BAALC: variants seen among roughly 807,000 people sequenced by gnomAD.
BAALC encodes the protein BAALC binder of MAP3K1 and KLF4, also known as brain and acute leukemia cytoplasmic protein.
In BAALC, 9 loss-of-function variants were observed where a neutral mutation model predicts 15.5. The observed-to-expected ratio is 0.58, with a 90% CI of 0.35 to 1.02. The LOEUF (loss-of-function observed/expected upper bound fraction) is 1.02. Among genes scored for constraint, BAALC ranks in the 50% least tolerant of loss-of-function variants. The pLI is 0.02. For synonymous variants in BAALC, 80 were observed against 74.6 expected, an observed-to-expected ratio of 1.07 and a Z score of -0.37; for missense variants, 201 against 192.4, an observed-to-expected ratio of 1.04 and a Z score of -0.27.
intron 1 of BAALC, chr8:103,141,266 C>T (rs915766488): frequency 1.7e-4 from 88 of 528,194 alleles, no homozygotes; most frequent in African/African-American, 1.7e-3. Context: ...AAGGCTGCGC[C>T]GATGCCCCAG....
intron 1 of BAALC, among the ~76,000 whole-genome samples, chr8:103,174,287 G>C (rs903982745): frequency 6.6e-6 from 1 of 150,822 alleles, no homozygotes; most frequent in East Asian, 1.9e-4. Context: ...GTGCCAGTCT[G>C]TTCTGGGAAT....
chr8:103,203,164 A>G (rs1454781100), intron 1 of BAALC, among the ~76,000 whole-genome samples: 1 of 152,114 alleles, frequency 6.6e-6, no homozygotes, highest in Non-Finnish European at 1.5e-5. Context: ...TGGGGAAGCC[A>G]TTTCCCCTAC....
At chr8:103,149,721 T>C (rs1372854982) in intron 1 of BAALC, among the ~76,000 whole-genome samples, 2 of 152,196 alleles carry the variant, frequency 1.3e-5, no homozygotes, top group African/African-American at 4.8e-5. Flanking sequence ...CTAGTTTGAA[T>C]GGAGGAAGAG....
At chr8:103,197,134 C>A (rs1586422202) in intron 1 of BAALC, among the ~76,000 whole-genome samples, 1 of 152,206 alleles carries the variant, frequency 6.6e-6, no homozygotes, top group Non-Finnish European at 1.5e-5. Context: ...TGACACCATA[C>A]ACCCACTAAT....
chr8:103,168,743 CCT>C (rs939925873), intron 1 of BAALC, among the ~76,000 whole-genome samples: 5 of 152,022 alleles, frequency 3.3e-5, no homozygotes, highest in African/African-American at 7.2e-5. Context: ...ATTTCCTTAG[CCT>C]CTCTCCTGTG....
chr8:103,190,938 G>A (rs1811952751), intron 1 of BAALC: 1 of 152,280 alleles, frequency 6.6e-6, no homozygotes, highest in Admixed American at 6.5e-5. Context: ...GCTCACACCT[G>A]TAATCCTAGC....
rs1222813255 is a variant in BAALC, at chr8:103,229,504, G to A, written c.*1405G>A. On this transcript the variant is annotated 3_prime_UTR_variant, in exon 3 of 3. Transcript: ENST00000309982. ...TTTTCCTTCCTTCCTTCCATTGGCA[G>A]ATTGTATATTTATTCACAAAACATT... 1 of 152,174 alleles carries A rather than the reference G, an allele frequency of 6.6e-6. No individual in the cohort carries two copies. The highest frequency in any genetic ancestry group is 1.9e-4 in the East Asian group (1 of 5,192). 9.4% of individuals were successfully genotyped at this position (152,174 alleles called of 1,614,324 possible).
rs1357818931 is a variant in BAALC at position 103,229,202 on chromosome 8, A to AGTAT, written c.*1106_*1109dup. ...GATGTTTTGATAGGAATAATTTTCTAGTATGTCTTGAAACATGTTCATCTG... is the reference window on the plus strand; with the variant it reads ...GATGTTTTGATAGGAATAATTTTCTAGTATGTATGTCTTGAAACATGTTCATCTG... On this transcript the variant is annotated 3_prime_UTR_variant, in exon 3 of 3. Coordinates refer to ENST00000309982, the MANE Select transcript of BAALC (RefSeq NM_024812.3). The AGTAT allele has an allele frequency of 8.5e-5, 13 of 152,232 alleles. No individual in the cohort carries two copies. Among genetic ancestry groups the AGTAT allele is most frequent in the African/African-American group, 2.7e-4 (11 of 41,458 alleles). 9.4% of individuals were successfully genotyped at this position (152,232 alleles called of 1,614,324 possible). A position where few individuals can be genotyped will look rare whatever the true frequency, so the allele number is the denominator to read the frequency against.
intron 2 of BAALC, among the ~76,000 whole-genome samples, chr8:103,221,796 G>A (rs375084585): frequency 9.1e-4 from 138 of 152,264 alleles, no homozygotes; most frequent in African/African-American, 3.2e-3. Context: ...AGATTGTGTT[G>A]ATGAAAAGAG....
chr8:103,179,565 C>T (rs1400877146), intron 1 of BAALC, among the ~76,000 whole-genome samples: 1 of 152,206 alleles, frequency 6.6e-6, no homozygotes, highest in African/African-American at 2.4e-5. Flanking sequence ...TCCTTGTTTC[C>T]CAGCTGAGGA....
chr8:103,213,535 G>T, intron 2 of BAALC: 1 of 156,446 alleles, frequency 6.4e-6, no homozygotes, highest in South Asian at 2.0e-4. Flanking sequence ...GGGCCCCCAA[G>T]GGTGGCTCTC....
chr8:103,170,136 G>C (rs1029416569), intron 1 of BAALC, among the ~76,000 whole-genome samples: 1 of 151,658 alleles, frequency 6.6e-6, no homozygotes, highest in African/African-American at 2.4e-5. Flanking sequence ...GCCTCTAAAA[G>C]TTCCCTTATG....
chr8:103,224,950 A>T (rs977676865), intron 2 of BAALC, among the ~76,000 whole-genome samples: 5 of 152,220 alleles, frequency 3.3e-5, no homozygotes, highest in African/African-American at 9.7e-5. Context: ...GATTAAAAAA[A>T]ATCAGAGCTT....
intron 1 of BAALC, among the ~76,000 whole-genome samples, chr8:103,206,708 A>G (rs1313067883): frequency 6.6e-6 from 1 of 152,154 alleles, no homozygotes; most frequent in Non-Finnish European, 1.5e-5. Flanking sequence ...TGGTAGTAAC[A>G]GAGCCTGAGA....
chr8:103,182,477 C>T (rs1811749576), intron 1 of BAALC, among the ~76,000 whole-genome samples: 1 of 152,224 alleles, frequency 6.6e-6, no homozygotes, highest in Non-Finnish European at 1.5e-5. Flanking sequence ...AATCAATGAT[C>T]TCTAGTAAGA....
intron 1 of BAALC, among the ~76,000 whole-genome samples, chr8:103,200,326 C>A (rs1227977293): frequency 1.3e-5 from 2 of 152,290 alleles, no homozygotes; most frequent in Non-Finnish European, 2.9e-5. Context: ...AAATACCTTT[C>A]AACCCAGCAA....
chr8:103,174,561 G>T (rs949983041), intron 1 of BAALC, among the ~76,000 whole-genome samples: 1 of 152,346 alleles, frequency 6.6e-6, no homozygotes. Flanking sequence ...AACCCTGGAT[G>T]AATGCATTTG....
At chr8:103,183,314 T>C in intron 1 of BAALC, 1 of 702,070 alleles carries the variant, frequency 1.4e-6, no homozygotes, top group Non-Finnish European at 2.6e-6. Flanking sequence ...CTTATTTCCC[T>C]TTTGAGTCCT....
chr8:103,200,489 A>C (rs552238512), intron 1 of BAALC, among the ~76,000 whole-genome samples: 2 of 152,326 alleles, frequency 1.3e-5, no homozygotes, highest in South Asian at 4.1e-4. Flanking sequence ...GTAAAAAACA[A>C]ACAAAAACAA....
Sources: gnomAD v4.1 joint callset for allele counts (sites outside exome capture counted in the v4.1 genomes callset) on GRCh38, gnomAD v4.1.1 for gene constraint, MANE v1.5 for transcripts, NCBI Gene and HGNC (gene_info 2026-07-23, HGNC 2026-07-21) for gene names.